TGFA: variants seen among roughly 807,000 people sequenced by gnomAD.
TGFA encodes the protein transforming growth factor alpha, also known as protransforming growth factor alpha.
In TGFA, 12 loss-of-function variants were observed where a neutral mutation model predicts 21.7. That is an observed-to-expected ratio of 0.55 (90% CI 0.35 to 0.90). TGFA has a LOEUF of 0.90. Ranked by LOEUF, TGFA falls within the 40% of genes least tolerant of loss-of-function variation. The pLI is 0.01. For synonymous variants in TGFA, 79 were observed against 88.1 expected (o/e 0.90, Z 0.58); for missense variants, 178 against 210.8 (o/e 0.84, Z 0.96).
intron 1 of TGFA, among the ~76,000 whole-genome samples, chr2:70,538,861 G>C (rs1435314566): frequency 3.3e-5 from 5 of 152,176 alleles, no homozygotes; most frequent in Admixed American, 3.3e-4. Context: ...GTTCTGCTAT[G>C]AGTAAAATGC....
chr2:70,486,848 C>T (rs1024564181), intron 2 of TGFA, among the ~76,000 whole-genome samples: 1 of 152,062 alleles, frequency 6.6e-6, no homozygotes, highest in South Asian at 2.1e-4. Context: ...CTGCAAGCTC[C>T]ACCTCCCGGG....
intron 1 of TGFA, chr2:70,553,176 A>C (rs1418346580): frequency 6.5e-7 from 1 of 1,536,018 alleles, no homozygotes; most frequent in East Asian, 2.4e-5. Flanking sequence ...CAAAAATCCA[A>C]AACCTACCCC....
intron 2 of TGFA, among the ~76,000 whole-genome samples, chr2:70,496,493 A>G (rs1671583365): frequency 6.6e-6 from 1 of 152,216 alleles, no homozygotes; most frequent in South Asian, 2.1e-4. Flanking sequence ...CAAAAACTTA[A>G]TATTGAACCA....
chr2:70,534,076 G>A (rs1456253014), intron 1 of TGFA, among the ~76,000 whole-genome samples: 1 of 152,190 alleles, frequency 6.6e-6, no homozygotes, highest in Non-Finnish European at 1.5e-5. Flanking sequence ...AGATACTGAA[G>A]TGTCCACTAT....
intron 1 of TGFA, among the ~76,000 whole-genome samples, chr2:70,552,706 T>C (rs1673549691): frequency 6.6e-6 from 1 of 152,238 alleles, no homozygotes; most frequent in African/African-American, 2.4e-5. Context: ...AGGCTGCGGC[T>C]CTGGGCATTT....
chr2:70,527,482 G>T (rs1449524525), intron 1 of TGFA, among the ~76,000 whole-genome samples: 5 of 152,138 alleles, frequency 3.3e-5, no homozygotes, highest in Admixed American at 3.3e-4. Context: ...GCAATTTTTA[G>T]GTCAGTGAAA....
chr2:70,520,975 C>T (rs112839945), intron 1 of TGFA, among the ~76,000 whole-genome samples: 10,372 of 152,130 alleles, frequency 0.068, 377 homozygotes, highest in South Asian at 0.093. Flanking sequence ...ACACACCCAG[C>T]CTCCACACCG....
chr2:70,469,963 TA>T (rs1670685479), intron 2 of TGFA, among the ~76,000 whole-genome samples: 1 of 152,124 alleles, frequency 6.6e-6, no homozygotes, highest in South Asian at 2.1e-4. Flanking sequence ...CCTCTTTTTA[TA>T]AATGACATGA....
chr2:70,480,990 A>G (rs1292385158), intron 2 of TGFA, among the ~76,000 whole-genome samples: 1 of 152,196 alleles, frequency 6.6e-6, no homozygotes, highest in Non-Finnish European at 1.5e-5. Flanking sequence ...ACAAGGAGAA[A>G]TGTTGGGGGA....
chr2:70,517,591 A>C (rs1672324741), intron 1 of TGFA, among the ~76,000 whole-genome samples: 2 of 152,328 alleles, frequency 1.3e-5, no homozygotes, highest in Non-Finnish European at 2.9e-5. Flanking sequence ...CCAGTCATAG[A>C]GATGAAGAAA....
At chr2:70,504,572 A>G (rs113907381) in intron 2 of TGFA, among the ~76,000 whole-genome samples, 2,058 of 151,126 alleles carry the variant, frequency 0.014, 37 homozygotes, top group African/African-American at 0.047. Context: ...ATATACATAC[A>G]TGCATATACT....
At chr2:70,466,447 G>A (rs1394478717) in intron 2 of TGFA, among the ~76,000 whole-genome samples, 1 of 152,192 alleles carries the variant, frequency 6.6e-6, no homozygotes, top group African/African-American at 2.4e-5. Context: ...GGCGGAGCCT[G>A]CAGTGAGCCG....
chr2:70,553,253 G>T, intron 1 of TGFA: 2 of 1,536,142 alleles, frequency 1.3e-6, no homozygotes, highest in Non-Finnish European at 8.7e-7. Context: ...TCTGCTCGTC[G>T]CTGGGGCTTA....
At chr2:70,478,893 C>T (rs1261461478) in intron 2 of TGFA, among the ~76,000 whole-genome samples, 2 of 151,972 alleles carry the variant, frequency 1.3e-5, no homozygotes, top group Non-Finnish European at 2.9e-5. Flanking sequence ...AATTTGTTTA[C>T]ATTTTAAAAA....
intron 1 of TGFA, among the ~76,000 whole-genome samples, chr2:70,529,342 C>T (rs1672741455): frequency 1.3e-5 from 2 of 152,230 alleles, no homozygotes; most frequent in South Asian, 4.1e-4. Context: ...TTTATAAGCA[C>T]CTTGTGGAAT....
intron 2 of TGFA, among the ~76,000 whole-genome samples, chr2:70,499,492 C>T (rs1394543884): frequency 6.6e-6 from 1 of 152,226 alleles, no homozygotes; most frequent in African/African-American, 2.4e-5. Context: ...CATCTCCTGA[C>T]TGAACCTTTT....
rs782412328 is a variant in TGFA at position 70,553,807 on chromosome 2, C to T, written c.-40G>A. 8.8e-6 allele frequency: 11 copies of T among 1,255,180 alleles called. No individual in the cohort carries two copies. Among genetic ancestry groups the T allele is most frequent in the Non-Finnish European group, 1.1e-5 (11 of 993,212 alleles). 77.8% of individuals were successfully genotyped at this position (1,255,180 alleles called of 1,614,324 possible). A position where few individuals can be genotyped will look rare whatever the true frequency, so the allele number is the denominator to read the frequency against. On this transcript the variant is annotated 5_prime_UTR_variant, in exon 1 of 6. Coordinates refer to ENST00000295400, the MANE Select transcript of TGFA (RefSeq NM_003236.4). ...GGCAGCAGGCTCTCCAGCCTCCTGCCCTACCTGCGGTGCCCGAGTGGCGGA... is the reference window on the plus strand; with the variant it reads ...GGCAGCAGGCTCTCCAGCCTCCTGCTCTACCTGCGGTGCCCGAGTGGCGGA...
intron 1 of TGFA, among the ~76,000 whole-genome samples, chr2:70,546,772 C>G (rs57452574): frequency 0.11 from 17,458 of 152,014 alleles, 1,091 homozygotes; most frequent in Middle Eastern, 0.19. Context: ...CCAGGCTGGT[C>G]TTGAACTCCT....
chr2:70,451,710 A>G (rs1670064888), intron 5 of TGFA: 1 of 688,062 alleles, frequency 1.5e-6, no homozygotes. Flanking sequence ...GTGCTAAAAG[A>G]AAAAATAAAA....
Sources: gnomAD v4.1 joint callset for allele counts (sites outside exome capture counted in the v4.1 genomes callset) on GRCh38, gnomAD v4.1.1 for gene constraint, MANE v1.5 for transcripts, NCBI Gene and HGNC (gene_info 2026-07-23, HGNC 2026-07-21) for gene names.